Variants in YWHAQ observed in about 807,000 individuals in gnomAD.
YWHAQ encodes the protein tyrosine 3-monooxygenase/tryptophan 5-monooxygenase activation protein theta, also known as 14-3-3 protein theta.
In YWHAQ, 6 loss-of-function variants were observed where a neutral mutation model predicts 28.3. The ratio of observed to expected loss-of-function variants is 0.21; its 90% CI spans 0.12 to 0.42. The LOEUF (loss-of-function observed/expected upper bound fraction) is 0.42, where lower values mean the gene tolerates loss of function less well. YWHAQ is among the 10% of genes least tolerant of loss of function. YWHAQ has a pLI of 1.00. For synonymous variants in YWHAQ, 143 were observed against 119.1 expected (o/e 1.20, Z -1.31); for missense variants, 201 against 305.6 (o/e 0.66, Z 2.55).
intron 2 of YWHAQ, among the ~76,000 whole-genome samples, chr2:9,609,269 T>C (rs1483106762): frequency 2.6e-5 from 4 of 151,492 alleles, no homozygotes; most frequent in South Asian, 2.1e-4. Flanking sequence ...AGCTTGGAGG[T>C]GGGAGAAGCG....
intron 2 of YWHAQ, among the ~76,000 whole-genome samples, chr2:9,627,218 C>A (rs1468308258): frequency 6.6e-6 from 1 of 152,212 alleles, no homozygotes; most frequent in Non-Finnish European, 1.5e-5. Flanking sequence ...TCTGCCCCAA[C>A]CTACTCTATG....
intron 2 of YWHAQ, among the ~76,000 whole-genome samples, chr2:9,592,361 A>C (rs1666473647): frequency 6.6e-6 from 1 of 151,752 alleles, no homozygotes; most frequent in Non-Finnish European, 1.5e-5. Flanking sequence ...GAGTATAAAA[A>C]GTCACAAAAG....
In YWHAQ at chr2:9,591,481, G is replaced by A. The variant is rs1043933165; in HGVS notation, c.329C>T (p.Thr110Ile). 1.2e-6 allele frequency: 2 copies of A among 1,610,620 alleles called. No individual in the cohort carries two copies. The highest frequency in any genetic ancestry group is 1.1e-5 in the South Asian group (1 of 90,776). The change falls in exon 3 of 6, where the codon ACT becomes ATT. Residue 110 changes from threonine (T) to isoleucine (I), a missense_variant. By Grantham distance (89) the Thr-to-Ile change is moderately conservative. This residue lies in a region of YWHAQ where 162 missense variants were observed against 213.9 expected (regional missense o/e 0.76). Transcript: ENST00000238081. ...LLDKYLIANATNPESKVFYLK... is the reference protein window; with the variant it reads ...LLDKYLIANAINPESKVFYLK... ...ATAGAAGACCTTACTCTCTGGATTA[G>A]TTGCATTGGCTATTAAATATTTATC... is the stretch of plus-strand genomic sequence containing the variant.
chr2:9,616,604 G>T (rs954281535), intron 2 of YWHAQ, among the ~76,000 whole-genome samples: 10 of 151,176 alleles, frequency 6.6e-5, no homozygotes, highest in Non-Finnish European at 7.4e-5. Context: ...ACAACCCAAT[G>T]ATAAAAACAC....
In YWHAQ at chr2:9,624,600, C is replaced by T. The variant is rs374073742; in HGVS notation, c.294+5559G>A. Among the ~76,000 whole-genome samples the T allele has an allele frequency of 6.6e-5, 10 of 152,272 alleles. No homozygotes were observed. The South Asian group carries it at 2.1e-3, about 32-fold the overall frequency. The stretch of plus-strand genomic sequence containing the variant: ...AGTAGCATTCAGGCCTCTCTACCCA[C>T]TAGACGTGAGCAGCACCTTCCTTCC... On this transcript the variant is annotated intron_variant, in intron 2 of 5. Transcript: ENST00000238081.
intron 2 of YWHAQ, among the ~76,000 whole-genome samples, chr2:9,623,353 C>T (rs545262993): frequency 6.6e-6 from 1 of 152,344 alleles, no homozygotes; most frequent in African/African-American, 2.4e-5. Flanking sequence ...AAAAACCGCA[C>T]ATCTTTTGAT....
intron 2 of YWHAQ, among the ~76,000 whole-genome samples, chr2:9,610,063 T>TC (rs1452078823): frequency 2.0e-5 from 3 of 152,164 alleles, no homozygotes; most frequent in Non-Finnish European, 4.4e-5. Context: ...CATGATTTTT[T>TC]CCCCCTTAAT....
intron 2 of YWHAQ, among the ~76,000 whole-genome samples, chr2:9,614,183 G>A (rs73913146): frequency 0.055 from 8,383 of 152,226 alleles, 736 homozygotes; most frequent in African/African-American, 0.19. Context: ...TTCAGGTTTG[G>A]AAGAAAAGTT....
intron 2 of YWHAQ, among the ~76,000 whole-genome samples, chr2:9,602,048 A>C (rs1198859116): frequency 1.3e-5 from 2 of 152,228 alleles, no homozygotes; most frequent in African/African-American, 4.8e-5. Context: ...AATGCCAAAA[A>C]ATAAAGCAAC....
At chr2:9,617,167 T>A (rs1258037850) in intron 2 of YWHAQ, among the ~76,000 whole-genome samples, 2 of 151,682 alleles carry the variant, frequency 1.3e-5, no homozygotes, top group East Asian at 3.9e-4. Flanking sequence ...TTTCACCATG[T>A]TAGCCAAGAT....
At chr2:9,591,287 TAA>T (rs1487115148) in intron 3 of YWHAQ, 103 bp downstream of exon 3, 5 of 1,330,128 alleles carry the variant, frequency 3.8e-6, no homozygotes, top group Non-Finnish European at 5.0e-6. Context: ...ATTCAATTAT[TAA>T]GTCACAAAGA....
At chr2:9,587,274 T>A (rs745313044) in intron 5 of YWHAQ, 140 bp downstream of exon 5, 1 of 685,148 alleles carries the variant, frequency 1.5e-6, no homozygotes, top group Non-Finnish European at 2.3e-6. Context: ...TACAAAATAA[T>A]GTTCGTCCCA....
chr2:9,617,150 G>A (rs1667055461), intron 2 of YWHAQ, among the ~76,000 whole-genome samples: 1 of 149,488 alleles, frequency 6.7e-6, no homozygotes, highest in South Asian at 2.1e-4. Context: ...TTTTAGTAGA[G>A]ACGGGGTTTC....
Position 9,587,509 on chromosome 2 carries a change from C to T in YWHAQ, c.583G>A (p.Ala195Thr). 5 of 1,592,028 alleles carry T rather than the reference C, an allele frequency of 3.1e-6. No homozygotes were observed. Among genetic ancestry groups the T allele is most frequent in the Non-Finnish European group, 4.3e-6 (5 of 1,167,968 alleles). ...AGTTCAGCAATGGCCTCATCAAAAG[C>T]CTGATAAATATTAATATCCATGGTA... ...PELACTLAKTAFDEAIAELDT... is the reference protein window; with the variant it reads ...PELACTLAKTTFDEAIAELDT... The change falls in exon 5 of 6, where the codon GCT becomes ACT. Residue 195 changes from alanine (A) to threonine (T), a missense_variant and splice_region_variant. This residue lies in a region of YWHAQ where 39 missense variants were observed against 91.7 expected (regional missense o/e 0.43). Coordinates refer to ENST00000238081, the MANE Select transcript of YWHAQ (RefSeq NM_006826.4).
intron 2 of YWHAQ, among the ~76,000 whole-genome samples, chr2:9,599,530 A>C (rs868104987): frequency 1.4e-4 from 22 of 152,318 alleles, no homozygotes; most frequent in African/African-American, 5.3e-4. Context: ...TTAGCATTCC[A>C]AAAATCCTAG....
At chr2:9,585,467 T>C in intron 5 of YWHAQ, 122 bp from the exon 6 acceptor site, 1 of 1,120,394 alleles carries the variant, frequency 8.9e-7, no homozygotes, top group Non-Finnish European at 1.3e-6. Flanking sequence ...AGATCTTGAC[T>C]AAGACTGAAG....
In YWHAQ at chr2:9,630,947, G is replaced by C. The variant is rs1667366403; in HGVS notation, c.-89C>G. On this transcript the variant is annotated 5_prime_UTR_variant, in exon 1 of 6. Coordinates refer to ENST00000238081, the MANE Select transcript of YWHAQ (RefSeq NM_006826.4). This position sits in a 1 kb window ranked among gnomAD's most constrained non-coding sequence, Gnocchi z 5.6. ...GGCCGACCCAGGCGCTCACCTTCACGTCTCCGCGGCCGCGACGCGAGTCCC... is the reference window on the plus strand; with the variant it reads ...GGCCGACCCAGGCGCTCACCTTCACCTCTCCGCGGCCGCGACGCGAGTCCC... 6.5e-6 allele frequency: 1 copy of C among 152,708 alleles called. No homozygotes were observed. The highest frequency in any genetic ancestry group is 1.5e-5 in the Non-Finnish European group (1 of 68,116). 9.5% of individuals were successfully genotyped at this position (152,708 alleles called of 1,614,324 possible). A position where few individuals can be genotyped will look rare whatever the true frequency, so the allele number is the denominator to read the frequency against.
At chr2:9,585,555 G>T (rs1558539767) in intron 5 of YWHAQ, among the ~76,000 whole-genome samples, 3 of 151,954 alleles carry the variant, frequency 2.0e-5, no homozygotes, top group East Asian at 3.9e-4. Flanking sequence ...CTTACAAAAT[G>T]ACATACATAC....
intron 2 of YWHAQ, chr2:9,615,280 G>T (rs1667021172): frequency 6.6e-6 from 1 of 151,994 alleles, no homozygotes; most frequent in Non-Finnish European, 1.5e-5. Context: ...TGGTCCGAAG[G>T]TAAGGAGTTA....
Sources: gnomAD v4.1 joint callset for allele counts (sites outside exome capture counted in the v4.1 genomes callset) on GRCh38, gnomAD v4.1.1 for gene constraint, gnomAD v4.1.1 regional missense constraint, Gnocchi (gnomAD v3.1) non-coding constraint, MANE v1.5 for transcripts, NCBI Gene and HGNC (gene_info 2026-07-23, HGNC 2026-07-21) for gene names.